PPP1R13B: variants seen among roughly 807,000 people sequenced by gnomAD.
The protein encoded by PPP1R13B is apoptosis-stimulating of p53 protein 1.
In PPP1R13B, 44 loss-of-function variants were observed where a neutral mutation model predicts 119.8. The ratio of observed to expected loss-of-function variants is 0.37; its 90% CI spans 0.29 to 0.47. PPP1R13B has a LOEUF of 0.47. Ranked by LOEUF, PPP1R13B falls within the 20% of genes least tolerant of loss-of-function variation. The pLI, the probability that PPP1R13B is intolerant of heterozygous loss-of-function variation, is 0.99. For missense variants in PPP1R13B, 1,227 were observed against 1,413.5 expected (o/e 0.87, Z 2.12); for synonymous variants, 542 against 561.5 (o/e 0.97, Z 0.49).
rs1306979042 is a variant in PPP1R13B, at chr14:103,742,470, G to T, written c.1321-179C>A. On this transcript the variant is annotated intron_variant, in intron 10 of 16. Transcript: ENST00000202556. The surrounding 1 kb of genome is among the most constrained non-coding windows in gnomAD (Gnocchi z 4.9). ...TCTGCAAAAGTTCTGACCGAAAGGT[G>T]TGTGTACTCGTGGGCTGCTCAGGCT... Among the ~76,000 whole-genome samples, 1 of 152,224 alleles carries T rather than the reference G, an allele frequency of 6.6e-6. No individual in the cohort carries two copies. Among genetic ancestry groups the T allele is most frequent in the Non-Finnish European group, 1.5e-5 (1 of 68,050 alleles).
chr14:103,740,426 C>A lies in PPP1R13B; in HGVS notation c.1990G>T (p.Glu664Ter). Reference protein sequence around the residue: ...PAAPADGSTVESLPRPLSPTK... With the variant: ...PAAPADGSTV ...GGGCTGAGTGGCCGTGGCAGGCTCT[C>A]CACGGTGCTGCCATCTGCGGGGGCG... Residue 664 changes from glutamate (E) to a stop codon, truncating the protein, a stop_gained, in exon 12 of 17, where the codon GAG becomes TAG. Transcript: ENST00000202556. LOFTEE classifies it high-confidence loss of function. This position sits in a 1 kb window ranked among gnomAD's most constrained non-coding sequence, Gnocchi z 4.6. 1 of 1,597,344 alleles carries A rather than the reference C, an allele frequency of 6.3e-7. No individual in the cohort carries two copies. Among genetic ancestry groups the A allele is most frequent in the Non-Finnish European group, 8.5e-7 (1 of 1,170,672 alleles).
chr14:103,779,790 T>C (rs73365091), intron 3 of PPP1R13B, among the ~76,000 whole-genome samples: 38 of 151,190 alleles, frequency 2.5e-4, no homozygotes, highest in African/African-American at 9.0e-4. Context: ...GTCTCAAAAA[T>C]AACATAAAGA....
chr14:103,744,437 C>T (rs546471160), intron 9 of PPP1R13B, among the ~76,000 whole-genome samples: 2 of 152,332 alleles, frequency 1.3e-5, no homozygotes, highest in Non-Finnish European at 2.9e-5. Flanking sequence ...CACGTGGCCC[C>T]ACCCAGACTC....
At chr14:103,737,575 C>T (rs1567079287) in intron 15 of PPP1R13B, 119 bp downstream of exon 15, 2 of 1,281,406 alleles carry the variant, frequency 1.6e-6, no homozygotes, top group Non-Finnish European at 2.1e-6. Flanking sequence ...GACCTTGTCT[C>T]CTGTCTTAAA....
At chr14:103,800,620 A>T (rs552843975) in intron 1 of PPP1R13B, among the ~76,000 whole-genome samples, 5 of 151,790 alleles carry the variant, frequency 3.3e-5, no homozygotes, top group African/African-American at 1.2e-4. Context: ...GCACCATTTC[A>T]CTCCAGCCTG....
At chr14:103,760,976 G>C (rs2084789995) in intron 4 of PPP1R13B, among the ~76,000 whole-genome samples, 1 of 152,014 alleles carries the variant, frequency 6.6e-6, no homozygotes, top group Non-Finnish European at 1.5e-5. Context: ...TAGTAATAAG[G>C]CTAGTCTTAC....
intron 7 of PPP1R13B, among the ~76,000 whole-genome samples, chr14:103,750,614 T>C (rs8009116): frequency 0.45 from 67,863 of 151,866 alleles, 15,657 homozygotes; most frequent in African/African-American, 0.56. Flanking sequence ...GTGGATCACC[T>C]GAGGTCAAGA....
chr14:103,767,641 G>A (rs936148958), intron 4 of PPP1R13B, among the ~76,000 whole-genome samples: 2 of 152,008 alleles, frequency 1.3e-5, no homozygotes, highest in Non-Finnish European at 2.9e-5. Context: ...GCATGGTGAA[G>A]ACCTGGCCTC....
intron 5 of PPP1R13B, among the ~76,000 whole-genome samples, chr14:103,755,199 G>A (rs909835256): frequency 1.9e-4 from 29 of 152,206 alleles, no homozygotes; most frequent in Non-Finnish European, 8.8e-5. Context: ...CATCCGTGAT[G>A]TTCCAGTGAG....
Position 103,797,401 on chromosome 14 carries a change from A to C in PPP1R13B, c.127T>G (p.Cys43Gly). 1 of 1,614,078 alleles carries C rather than the reference A, an allele frequency of 6.2e-7. No homozygotes were observed. The change falls in exon 2 of 17, where the codon TGC (cysteine) becomes GGC (glycine). Residue 43 changes from cysteine (C) to glycine (G), a missense_variant. By Grantham distance (159) the Cys-to-Gly change is radical. Coordinates refer to ENST00000202556, the MANE Select transcript of PPP1R13B (RefSeq NM_015316.3). ...EFCKEPGEGS[C>G]HLAEVWRGNE... is the part of the protein sequence containing the mutation. ...CCCCTCCACACTTCAGCTAAATGGC[A>C]GCTGCCTTCTCCAGGTTCCTTGCAA...
chr14:103,784,602 AAAAAAAAAAAAAAG>A (rs2085411652), intron 3 of PPP1R13B, among the ~76,000 whole-genome samples, 179 bp downstream of exon 3: 1 of 147,130 alleles, frequency 6.8e-6, no homozygotes, highest in Admixed American at 6.7e-5. Flanking sequence ...AAAAAAAAAA[AAAAAAAAAAAAAAG>A]TGCCGTAATG....
At chr14:103,735,635 G>C (rs753754330) in intron 16 of PPP1R13B, among the ~76,000 whole-genome samples, 1 of 152,192 alleles carries the variant, frequency 6.6e-6, no homozygotes, top group Non-Finnish European at 1.5e-5. Flanking sequence ...CAGCCTGCAC[G>C]TTCCCACCTC....
chr14:103,788,334 CATCT>C (rs1217657174), intron 2 of PPP1R13B, among the ~76,000 whole-genome samples: 10 of 152,260 alleles, frequency 6.6e-5, no homozygotes, highest in South Asian at 2.1e-4. Context: ...ACCACCCATC[CATCT>C]GTGTTGAACA....
chr14:103,779,759 C>T (rs1259798567), intron 3 of PPP1R13B, among the ~76,000 whole-genome samples: 1 of 152,054 alleles, frequency 6.6e-6, no homozygotes, highest in African/African-American at 2.4e-5. Flanking sequence ...TGCGCTCCAG[C>T]CCAGGTGACA....
At position 103,733,297 on chromosome 14, in the gene PPP1R13B, A is replaced by C. The variant is rs1034072253; in HGVS notation, c.*1857T>G. The C allele has an allele frequency of 7.2e-6, 3 of 417,748 alleles. No individual in the cohort carries two copies. Among genetic ancestry groups the C allele is most frequent in the African/African-American group, 2.0e-5 (1 of 49,290 alleles). 25.9% of individuals were successfully genotyped at this position (417,748 alleles called of 1,614,324 possible). ...GCTACACTACTGCTAAACTATTTTT[A>C]GCATAATATATACCATTTTTATGAG... On this transcript the variant is annotated 3_prime_UTR_variant, in exon 17 of 17. Transcript: ENST00000202556.
intron 2 of PPP1R13B, among the ~76,000 whole-genome samples, chr14:103,790,007 A>G (rs2085576448): frequency 1.3e-5 from 2 of 152,102 alleles, no homozygotes; most frequent in African/African-American, 4.8e-5. Flanking sequence ...GCACTTTGGG[A>G]GGCCGAGGCA....
intron 1 of PPP1R13B, among the ~76,000 whole-genome samples, chr14:103,799,399 T>C (rs1376014762): frequency 2.0e-5 from 3 of 151,612 alleles, no homozygotes; most frequent in Non-Finnish European, 4.4e-5. Context: ...AGGCTGGTCT[T>C]GAACTCCTGA....
rs545527897 is a variant in PPP1R13B, at chr14:103,830,739, C to T, written c.9+16560G>A. 1.3e-4 allele frequency among the ~76,000 whole-genome samples: 20 copies of T among 152,334 alleles called. No homozygotes were observed. The South Asian group carries it at 3.9e-3, about 30-fold the overall frequency. On this transcript the variant is annotated intron_variant, in intron 1 of 16. Coordinates refer to ENST00000202556, the MANE Select transcript of PPP1R13B (RefSeq NM_015316.3). ...CTGAATGGCTGGGGATTTAACCCTT[C>T]CATCTCAGGCAAAATCTGAAATTGT...
intron 1 of PPP1R13B, among the ~76,000 whole-genome samples, chr14:103,829,569 T>G (rs1595834291): frequency 6.6e-6 from 1 of 152,228 alleles, no homozygotes; most frequent in East Asian, 1.9e-4. Flanking sequence ...AGCCTGACAT[T>G]TTAAAGATAA....
Sources: gnomAD v4.1 joint callset for allele counts (sites outside exome capture counted in the v4.1 genomes callset) on GRCh38, gnomAD v4.1.1 for gene constraint, Gnocchi (gnomAD v3.1) non-coding constraint, MANE v1.5 for transcripts, NCBI Gene and HGNC (gene_info 2026-07-23, HGNC 2026-07-21) for gene names.